The following TECTB variants were observed in gnomAD, a reference collection of about 807,000 sequenced individuals.
The protein encoded by TECTB is beta-tectorin.
A neutral mutation model predicts 43.3 loss-of-function variants in TECTB; 45 were observed. The ratio of observed to expected loss-of-function variants is 1.04; its 90% CI spans 0.82 to 1.33. The LOEUF is 1.33. Among genes scored for constraint, TECTB ranks in the 40% most tolerant of loss-of-function variants. TECTB has a pLI of 0.00. For missense variants in TECTB, 399 were observed against 404.7 expected, an observed-to-expected ratio of 0.99 and a Z score of 0.12; for synonymous variants, 169 against 156.7, an observed-to-expected ratio of 1.08 and a Z score of -0.59.
chr10:112,297,113 G>A (rs576470562), intron 7 of TECTB, among the ~76,000 whole-genome samples: 27 of 152,300 alleles, frequency 1.8e-4, no homozygotes, highest in South Asian at 4.1e-4. Flanking sequence ...TATGTTTGCT[G>A]AAACTAGGGT....
chr10:112,293,381 G>A (rs1848516771), intron 5 of TECTB, among the ~76,000 whole-genome samples: 1 of 152,222 alleles, frequency 6.6e-6, no homozygotes, highest in Non-Finnish European at 1.5e-5. Flanking sequence ...GGTGTTGTAT[G>A]TGCTCAGTCC....
At chr10:112,295,445 G>T (rs767087877) in intron 7 of TECTB, among the ~76,000 whole-genome samples, 5 of 152,320 alleles carry the variant, frequency 3.3e-5, no homozygotes, top group South Asian at 2.1e-4. Context: ...GTCCAGAAAT[G>T]TGCCCAAGAT....
chr10:112,298,058 A>G lies in TECTB; in HGVS notation c.672-11A>G. 2 of 1,614,104 alleles carry G rather than the reference A, an allele frequency of 1.2e-6. No individual in the cohort carries two copies. The highest frequency in any genetic ancestry group is 1.1e-5 in the South Asian group (1 of 91,084). ...GATGACAGTTCACTCTTCTTTCCCC[A>G]TCTGCCTCAGCTGCCCCACGGATGA... On this transcript the variant is annotated splice_polypyrimidine_tract_variant and intron_variant, in intron 7 of 10. Coordinates refer to ENST00000646139, the MANE Select transcript of TECTB (RefSeq NM_058222.3).
chr10:112,295,172 G>A (rs1589639830), intron 7 of TECTB, among the ~76,000 whole-genome samples: 1 of 152,290 alleles, frequency 6.6e-6, no homozygotes. Context: ...GCATGTAACA[G>A]ACCAATGTGC....
Position 112,293,837 on chromosome 10 carries a change from A to T in TECTB, c.583A>T (p.Ile195Phe). Residue 195 changes from isoleucine (I) to phenylalanine (F), a missense_variant, in exon 6 of 11, where the codon ATT (isoleucine) becomes TTT (phenylalanine). By Grantham distance (21) the Ile-to-Phe change is conservative. Transcript: ENST00000646139. ...AGGAGTGGAAGCCAAAGGGTTAAGCATTAGGTAAGTACATTTCCTCCAAGT... is the reference window on the plus strand; with the variant it reads ...AGGAGTGGAAGCCAAAGGGTTAAGCTTTAGGTAAGTACATTTCCTCCAAGT... ...FAGVEAKGLSIRFKVVLNSCW... is the reference protein window; with the variant it reads ...FAGVEAKGLSFRFKVVLNSCW... 6.2e-7 allele frequency: 1 copy of T among 1,614,082 alleles called. No individual in the cohort carries two copies. The highest frequency in any genetic ancestry group is 1.1e-5 in the South Asian group (1 of 91,076).
At chr10:112,288,669 T>C (rs1442208188) in intron 5 of TECTB, among the ~76,000 whole-genome samples, 1 of 152,140 alleles carries the variant, frequency 6.6e-6, no homozygotes, top group Non-Finnish European at 1.5e-5. Flanking sequence ...TGCATATATT[T>C]CCATCAAATT....
intron 1 of TECTB, 48 bp from the exon 2 acceptor site, chr10:112,283,600 C>T: frequency 1.3e-6 from 1 of 760,400 alleles, no homozygotes; most frequent in Non-Finnish European, 2.1e-6. Context: ...GTATGTGCGG[C>T]TTTGTTCTTC....
chr10:112,302,809 G>T (rs1848624021), intron 10 of TECTB: 1 of 176,214 alleles, frequency 5.7e-6, no homozygotes, highest in Non-Finnish European at 1.2e-5. Context: ...AGCCAGGGAA[G>T]CCCCTTAGAG....
chr10:112,298,257 A>G (rs1848566367), intron 8 of TECTB, 26 bp downstream of exon 8: 3 of 1,600,246 alleles, frequency 1.9e-6, no homozygotes, highest in Non-Finnish European at 2.6e-6. Context: ...CCAGAAGGAC[A>G]ATGTTACCTA....
chr10:112,292,726 G>A (rs376274525), intron 5 of TECTB, among the ~76,000 whole-genome samples: 63 of 152,316 alleles, frequency 4.1e-4, no homozygotes, highest in African/African-American at 1.4e-3. Flanking sequence ...CTACAAGTGT[G>A]AGCCACAGCG....
chr10:112,285,628 C>T (rs1033469206), intron 3 of TECTB, among the ~76,000 whole-genome samples: 4 of 152,040 alleles, frequency 2.6e-5, no homozygotes, highest in South Asian at 2.1e-4. Context: ...ACAAGTCAGG[C>T]GAAAGAGTCT....
At position 112,297,075 on chromosome 10, in the gene TECTB, G is replaced by C. The variant is rs138207990; in HGVS notation, c.672-994G>C. 4.9e-3 allele frequency among the ~76,000 whole-genome samples: 748 copies of C among 152,294 alleles called. 5 individuals carry two copies. The highest frequency in any genetic ancestry group is 0.017 in the African/African-American group (713 of 41,560). ...CACCTAGTTAAAGGAACGGCACTTA[G>C]GTCATCAGTCTTTGTTAAATGAAAA... On this transcript the variant is annotated intron_variant, in intron 7 of 10. Coordinates refer to ENST00000646139, the MANE Select transcript of TECTB (RefSeq NM_058222.3).
chr10:112,299,573 C>A lies in TECTB; in HGVS notation c.907+9C>A. Reference sequence around the variant, plus strand: ...GGAGCTCTCCCTGCGGAGTAAGCGTCTCTGTTTTCCTCTGTTTTCCAAACG... The same window carrying A: ...GGAGCTCTCCCTGCGGAGTAAGCGTATCTGTTTTCCTCTGTTTTCCAAACG... On this transcript the variant is annotated intron_variant, in intron 9 of 10. Coordinates refer to ENST00000646139, the MANE Select transcript of TECTB (RefSeq NM_058222.3). 1 of 269,470 alleles carries A rather than the reference C, an allele frequency of 3.7e-6. No individual in the cohort carries two copies. The highest frequency in any genetic ancestry group is 5.0e-6 in the Non-Finnish European group (1 of 198,660). 16.7% of individuals were successfully genotyped at this position (269,470 alleles called of 1,614,324 possible). A position where few individuals can be genotyped will look rare whatever the true frequency, so the allele number is the denominator to read the frequency against.
At chr10:112,288,421 TCCCTTCAACA>T (rs931321970) in intron 5 of TECTB, among the ~76,000 whole-genome samples, 6 of 151,998 alleles carry the variant, frequency 3.9e-5, no homozygotes, top group Admixed American at 1.3e-4. Flanking sequence ...AACGGGACAC[TCCCTTCAACA>T]AGTATAGAAT....
chr10:112,293,684 C>T, intron 5 of TECTB, 54 bp from the exon 6 acceptor site: 1 of 1,523,956 alleles, frequency 6.6e-7, no homozygotes, highest in South Asian at 1.1e-5. Context: ...TCCTGGTAGA[C>T]CTAGCTGCTC....
chr10:112,287,750 C>G (rs1247282399), intron 5 of TECTB, among the ~76,000 whole-genome samples: 2 of 152,156 alleles, frequency 1.3e-5, no homozygotes, highest in African/African-American at 4.8e-5. Flanking sequence ...CAGTCTGGAA[C>G]ACAGATCTCC....
In TECTB at chr10:112,297,037, C is replaced by T. The variant is rs146921089; in HGVS notation, c.672-1032C>T. 4.9e-3 allele frequency among the ~76,000 whole-genome samples: 739 copies of T among 152,320 alleles called. 5 individuals are homozygous for T. Among genetic ancestry groups the T allele is most frequent in the African/African-American group, 0.017 (703 of 41,568 alleles). On this transcript the variant is annotated intron_variant, in intron 7 of 10. Transcript: ENST00000646139. ...CTCTGTACAGTCCCAAGAATGGTTG[C>T]GTCTGTTTCCAACACCTAGTTAAAG...
chr10:112,300,073 A>T (rs555438710), intron 9 of TECTB, among the ~76,000 whole-genome samples: 4 of 151,536 alleles, frequency 2.6e-5, no homozygotes, highest in Admixed American at 1.3e-4. Context: ...AAGGCAGGAG[A>T]ATCACTTGAA....
intron 5 of TECTB, among the ~76,000 whole-genome samples, chr10:112,293,158 A>G (rs940111623): frequency 1.3e-5 from 2 of 152,240 alleles, no homozygotes; most frequent in Non-Finnish European, 2.9e-5. Context: ...ATGCCAGATC[A>G]TTGAAGGCAG....
Sources: allele counts gnomAD v4.1 joint callset (sites outside exome capture counted in the v4.1 genomes callset), GRCh38; gene constraint gnomAD v4.1.1; transcripts MANE v1.5; gene names NCBI Gene and HGNC (gene_info 2026-07-23, HGNC 2026-07-21).